DNAJC13: variants seen among roughly 807,000 people sequenced by gnomAD.
The protein encoded by DNAJC13 is dnaJ homolog subfamily C member 13.
DNAJC13 carries 75 observed loss-of-function variants against 290.5 expected under a neutral mutation model. That is an observed-to-expected ratio of 0.26 (90% CI 0.21 to 0.31). The LOEUF (loss-of-function observed/expected upper bound fraction) is 0.31. DNAJC13 is among the 10% of genes least tolerant of loss of function. The pLI is 1.00. For synonymous variants in DNAJC13, 862 were observed against 892.0 expected, an observed-to-expected ratio of 0.97 and a Z score of 0.60; for missense variants, 2,260 against 2,674.5, an observed-to-expected ratio of 0.85 and a Z score of 3.42.
intron 32 of DNAJC13, 75 bp downstream of exon 32, chr3:132,491,126 G>A (rs1482877698): frequency 3.9e-5 from 49 of 1,255,486 alleles, no homozygotes; most frequent in Non-Finnish European, 4.9e-5. Flanking sequence ...TTTGACTTCT[G>A]TTAAAAGAAA....
chr3:132,471,236 G>C (rs1934236438), intron 20 of DNAJC13, among the ~76,000 whole-genome samples: 1 of 133,966 alleles, frequency 7.5e-6, no homozygotes, highest in Non-Finnish European at 1.6e-5. Flanking sequence ...GGCTGGCCGG[G>C]CGGGGGGCTG....
chr3:132,518,905 T>G (rs1297100637), intron 48 of DNAJC13, among the ~76,000 whole-genome samples: 8 of 152,234 alleles, frequency 5.3e-5, no homozygotes, highest in African/African-American at 1.9e-4. Context: ...CTGGATAGAT[T>G]TGCCGAATGC....
intron 1 of DNAJC13, among the ~76,000 whole-genome samples, chr3:132,430,046 C>T (rs1939201209): frequency 6.6e-6 from 1 of 152,178 alleles, no homozygotes; most frequent in Admixed American, 6.5e-5. Flanking sequence ...TCAGCATTCT[C>T]ATCTGCATCA....
chr3:132,436,282 A>G (rs1939383380), intron 2 of DNAJC13, among the ~76,000 whole-genome samples: 1 of 152,140 alleles, frequency 6.6e-6, no homozygotes, highest in African/African-American at 2.4e-5. Context: ...TCTATTTGGA[A>G]CATCTTATAT....
Position 132,450,113 on chromosome 3 carries a change from G to A in DNAJC13, c.337-534G>A, listed in dbSNP as rs142811933. On this transcript the variant is annotated intron_variant, in intron 5 of 55. Transcript: ENST00000260818. Reference sequence around the variant, plus strand: ...ACATCTTGAAGATAACTTTCCAGTTGTGTGATTAGAAAAGCCTAAGGTCAA... The same window carrying A: ...ACATCTTGAAGATAACTTTCCAGTTATGTGATTAGAAAAGCCTAAGGTCAA... 3.9e-3 allele frequency among the ~76,000 whole-genome samples: 588 copies of A among 151,172 alleles called. 8 individuals are homozygous for A. The highest frequency in any genetic ancestry group is 0.013 in the African/African-American group (547 of 41,298).
chr3:132,426,423 C>T (rs904923863), intron 1 of DNAJC13, among the ~76,000 whole-genome samples: 1 of 152,170 alleles, frequency 6.6e-6, no homozygotes, highest in African/African-American at 2.4e-5. Flanking sequence ...ATTTAAGTGA[C>T]GTTAGTTTGA....
chr3:132,450,633 G>A lies in DNAJC13; in HGVS notation c.337-14G>A, dbSNP rs915937941. ...ATTTTATGAACCTAAAAGTAATACT[G>A]ATTCTGTCTTTAGAGATACAACTGC... is the stretch of plus-strand genomic sequence containing the variant. On this transcript the variant is annotated splice_polypyrimidine_tract_variant and intron_variant, in intron 5 of 55. Coordinates refer to ENST00000260818, the MANE Select transcript of DNAJC13 (RefSeq NM_015268.4). 3 of 1,584,202 alleles carry A rather than the reference G, an allele frequency of 1.9e-6. No individual in the cohort carries two copies. The highest frequency in any genetic ancestry group is 1.3e-5 in the African/African-American group (1 of 74,144).
At chr3:132,423,668 T>C (rs2107639155) in intron 1 of DNAJC13, among the ~76,000 whole-genome samples, 1 of 152,378 alleles carries the variant, frequency 6.6e-6, no homozygotes, top group South Asian at 2.1e-4. Flanking sequence ...TAGGGATATT[T>C]CAGAACTAAA....
intron 1 of DNAJC13, among the ~76,000 whole-genome samples, chr3:132,430,885 GACAA>G (rs1258145466): frequency 1.3e-5 from 2 of 152,158 alleles, no homozygotes; most frequent in Non-Finnish European, 2.9e-5. Context: ...TCCAGAAACA[GACAA>G]ACAAAACACC....
At chr3:132,498,876 C>T (rs1476855809) in intron 36 of DNAJC13, among the ~76,000 whole-genome samples, 9 of 152,054 alleles carry the variant, frequency 5.9e-5, no homozygotes, top group Admixed American at 4.6e-4. Flanking sequence ...CCACCACACC[C>T]GGCTAACTTT....
chr3:132,471,134 C>T (rs1283145601), intron 20 of DNAJC13, among the ~76,000 whole-genome samples: 1 of 133,990 alleles, frequency 7.5e-6, no homozygotes, highest in African/African-American at 2.8e-5. Flanking sequence ...CCCCATCTCC[C>T]TCCTGGACGG....
chr3:132,503,998 A>G (rs1935507219), intron 41 of DNAJC13, among the ~76,000 whole-genome samples: 1 of 151,912 alleles, frequency 6.6e-6, no homozygotes, highest in Admixed American at 6.6e-5. Flanking sequence ...AAAGAGTACT[A>G]AAAGACATTA....
chr3:132,445,360 A>G (rs1933212041), intron 2 of DNAJC13, among the ~76,000 whole-genome samples: 1 of 152,168 alleles, frequency 6.6e-6, no homozygotes, highest in African/African-American at 2.4e-5. Context: ...GTCACGGTGT[A>G]TTACTATTTT....
intron 19 of DNAJC13, among the ~76,000 whole-genome samples, chr3:132,466,922 T>C (rs1934013709): frequency 6.6e-6 from 1 of 152,210 alleles, no homozygotes. Flanking sequence ...TCATCACTCC[T>C]TCTCTGTCTG....
chr3:132,448,146 T>TG (rs934101272), intron 5 of DNAJC13, among the ~76,000 whole-genome samples: 4 of 152,034 alleles, frequency 2.6e-5, no homozygotes, highest in Non-Finnish European at 5.9e-5. Context: ...TACTGGTAGA[T>TG]GGGGGGAAAA....
chr3:132,457,503 C>T, intron 13 of DNAJC13, 135 bp downstream of exon 13: 1 of 698,420 alleles, frequency 1.4e-6, no homozygotes, highest in South Asian at 2.0e-5. Flanking sequence ...GTTACTCAAA[C>T]CTTTGTTTAG....
intron 36 of DNAJC13, among the ~76,000 whole-genome samples, chr3:132,498,906 A>C (rs1239189932): frequency 1.3e-5 from 2 of 151,700 alleles, no homozygotes; most frequent in African/African-American, 4.8e-5. Context: ...TTAGTAGAGA[A>C]AGGGTTTCAC....
chr3:132,513,317 T>C (rs1935833552), intron 45 of DNAJC13, among the ~76,000 whole-genome samples: 1 of 152,178 alleles, frequency 6.6e-6, no homozygotes. Context: ...TGGTTCTCTT[T>C]CTGTTATGCG....
intron 1 of DNAJC13, among the ~76,000 whole-genome samples, chr3:132,424,326 A>G (rs1397426984): frequency 1.3e-5 from 2 of 152,140 alleles, no homozygotes; most frequent in Non-Finnish European, 2.9e-5. Flanking sequence ...CTCAGATGAA[A>G]TGAGCATACA....
Sources: allele counts gnomAD v4.1 joint callset (sites outside exome capture counted in the v4.1 genomes callset), GRCh38; gene constraint gnomAD v4.1.1; transcripts MANE v1.5; gene names NCBI Gene and HGNC (gene_info 2026-07-23, HGNC 2026-07-21).